The following PLCB1 variants were observed in gnomAD, a reference collection of about 807,000 sequenced individuals.
PLCB1 encodes the protein phospholipase C beta 1.
A neutral mutation model predicts 161.8 loss-of-function variants in PLCB1; 46 were observed. That is an observed-to-expected ratio of 0.28 (90% CI 0.22 to 0.36). The LOEUF (loss-of-function observed/expected upper bound fraction) is 0.36. Among genes scored for constraint, PLCB1 ranks in the 10% least tolerant of loss-of-function variants. PLCB1 has a pLI of 1.00. For missense variants in PLCB1, 1,016 were observed against 1,472.5 expected, an observed-to-expected ratio of 0.69 and a Z score of 5.07; for synonymous variants, 517 against 503.7, an observed-to-expected ratio of 1.03 and a Z score of -0.35.
chr20:8,454,515 C>A (rs116168196), intron 3 of PLCB1, among the ~76,000 whole-genome samples: 2,827 of 152,208 alleles, frequency 0.019, 85 homozygotes, highest in African/African-American at 0.065. Context: ...GGTTGGGATA[C>A]ATTTTGGAGA....
chr20:8,472,279 CCTTTT>C lies in PLCB1; in HGVS notation c.246+100835_246+100839del, dbSNP rs200971967. Among the ~76,000 whole-genome samples the C allele has an allele frequency of 9.6e-3, 1,457 of 151,986 alleles. 25 individuals are homozygous for C. The highest frequency in any genetic ancestry group is 0.033 in the African/African-American group (1,354 of 41,454). On this transcript the variant is annotated intron_variant, in intron 3 of 31. Coordinates refer to ENST00000338037, the MANE Select transcript of PLCB1 (RefSeq NM_015192.4). The stretch of plus-strand genomic sequence containing the variant: ...TGAAGCATTAACTCAAAAGAATGGC[CCTTTT>C]CTTTTATTGTTATGTTCTTTTCATT...
rs1980372070 is a variant in PLCB1, at chr20:8,733,319, G to A, written c.1970G>A (p.Arg657Lys). 1 of 1,613,900 alleles carries A rather than the reference G, an allele frequency of 6.2e-7. No homozygotes were observed. Among genetic ancestry groups the A allele is most frequent in the South Asian group, 1.1e-5 (1 of 91,062 alleles). ...GYRLKPEFMR[R>K]PDKHFDPFTE... ...AGATTGAAGCCAGAGTTCATGAGGAGGCCTGACAAGCATTTTGATCCATTT... is the reference window on the plus strand; with the variant it reads ...AGATTGAAGCCAGAGTTCATGAGGAAGCCTGACAAGCATTTTGATCCATTT... The change falls in exon 19 of 32, where the codon AGG (arginine) becomes AAG (lysine). Residue 657 changes from arginine to lysine, a missense_variant. Arg to Lys is a conservative substitution (Grantham distance 26, BLOSUM62 2). Around this residue, in one of 10 missense-constraint regions of PLCB1, gnomAD observed 67 missense variants for 195.6 expected, o/e 0.34. Coordinates refer to ENST00000338037, the MANE Select transcript of PLCB1 (RefSeq NM_015192.4).
At chr20:8,792,969 G>A (rs747862428) in intron 31 of PLCB1, among the ~76,000 whole-genome samples, 6 of 152,166 alleles carry the variant, frequency 3.9e-5, no homozygotes, top group Non-Finnish European at 5.9e-5. Context: ...CATAGCAGTC[G>A]CTGATGCTCC....
At chr20:8,690,133 G>A (rs947324345) in intron 10 of PLCB1, among the ~76,000 whole-genome samples, 3 of 112,628 alleles carry the variant, frequency 2.7e-5, no homozygotes, top group African/African-American at 8.8e-5. Context: ...CATCTAAGGG[G>A]TTTTGTTTTT....
At chr20:8,274,797 C>A (rs978645841) in intron 2 of PLCB1, among the ~76,000 whole-genome samples, 1 of 152,108 alleles carries the variant, frequency 6.6e-6, no homozygotes. Flanking sequence ...TTTGGAGTCA[C>A]ATTTGTAGCC....
At chr20:8,659,643 T>C (rs987021683) in intron 9 of PLCB1, among the ~76,000 whole-genome samples, 11 of 152,174 alleles carry the variant, frequency 7.2e-5, no homozygotes, top group Admixed American at 7.2e-4. Flanking sequence ...TAAAAGTCTT[T>C]TAATCCATTG....
At chr20:8,514,862 T>C (rs973689962) in intron 3 of PLCB1, among the ~76,000 whole-genome samples, 3 of 152,190 alleles carry the variant, frequency 2.0e-5, no homozygotes, top group African/African-American at 7.2e-5. Flanking sequence ...ACTTTAATAG[T>C]CATACAAATC....
intron 3 of PLCB1, among the ~76,000 whole-genome samples, chr20:8,576,308 G>A (rs1019295677): frequency 3.9e-5 from 6 of 152,042 alleles, no homozygotes; most frequent in African/African-American, 1.4e-4. Context: ...CCATTCCTTG[G>A]AGCCCATTTT....
At chr20:8,625,288 GAAA>G (rs1988302805) in intron 3 of PLCB1, 1 of 152,126 alleles carries the variant, frequency 6.6e-6, no homozygotes, top group African/African-American at 2.4e-5. Context: ...CTGAAAGTCT[GAAA>G]ACAACTGAGG....
intron 2 of PLCB1, among the ~76,000 whole-genome samples, chr20:8,188,780 A>G (rs1436801204): frequency 6.6e-6 from 1 of 152,166 alleles, no homozygotes; most frequent in East Asian, 1.9e-4. Context: ...AATGTGCTAA[A>G]GAGTCAAACG....
intron 9 of PLCB1, among the ~76,000 whole-genome samples, chr20:8,662,240 TTATTTATTATATAATTCTATACATAAG>T (rs1417332555): frequency 1.8e-5 from 2 of 111,422 alleles, no homozygotes; most frequent in Admixed American, 1.0e-4. Flanking sequence ...CTATATATAA[TTATTTATTATATAATTCTATACATAAG>T]TATTTATTAT....
intron 9 of PLCB1, among the ~76,000 whole-genome samples, chr20:8,659,019 C>A (rs1425880280): frequency 1.3e-5 from 2 of 152,038 alleles, no homozygotes; most frequent in African/African-American, 4.8e-5. Context: ...CTTTAGGTTA[C>A]CCTTTTGTCT....
intron 3 of PLCB1, among the ~76,000 whole-genome samples, chr20:8,438,849 TGGC>T (rs953061862): frequency 5.3e-4 from 80 of 152,290 alleles, no homozygotes; most frequent in African/African-American, 1.9e-3. Context: ...TTATTTCACC[TGGC>T]CCCAAGACGA....
chr20:8,696,824 C>T (rs1318870096), intron 10 of PLCB1, among the ~76,000 whole-genome samples: 2 of 152,134 alleles, frequency 1.3e-5, no homozygotes, highest in African/African-American at 2.4e-5. Context: ...AGCTCCGCCT[C>T]CCGGGTTCAC....
At chr20:8,526,441 T>C (rs1457818158) in intron 3 of PLCB1, among the ~76,000 whole-genome samples, 1 of 152,148 alleles carries the variant, frequency 6.6e-6, no homozygotes, top group Non-Finnish European at 1.5e-5. Flanking sequence ...ATTTCTAGTG[T>C]ATTATACTAT....
intron 31 of PLCB1, among the ~76,000 whole-genome samples, chr20:8,836,857 C>G (rs1013985761): frequency 1.3e-5 from 2 of 152,158 alleles, no homozygotes; most frequent in African/African-American, 4.8e-5. Flanking sequence ...GCTGCTATGT[C>G]TGCCCTCGAG....
intron 2 of PLCB1, among the ~76,000 whole-genome samples, chr20:8,196,501 G>C (rs990302595): frequency 6.6e-6 from 1 of 151,806 alleles, no homozygotes; most frequent in African/African-American, 2.4e-5. Flanking sequence ...CTCAACATCT[G>C]ATTATTGTAG....
At chr20:8,393,622 T>A (rs13037141) in intron 3 of PLCB1, among the ~76,000 whole-genome samples, 1 of 152,074 alleles carries the variant, frequency 6.6e-6, no homozygotes, top group Non-Finnish European at 1.5e-5. Flanking sequence ...ACCACTGCAC[T>A]CCGGCCTGGG....
intron 2 of PLCB1, among the ~76,000 whole-genome samples, chr20:8,351,786 A>G (rs1009213350): frequency 6.6e-6 from 1 of 152,100 alleles, no homozygotes; most frequent in Non-Finnish European, 1.5e-5. Context: ...GAAAACCCCA[A>G]TGAAATATAC....
Sources: gnomAD v4.1 joint callset for allele counts (sites outside exome capture counted in the v4.1 genomes callset) on GRCh38, gnomAD v4.1.1 for gene constraint, gnomAD v4.1.1 regional missense constraint, MANE v1.5 for transcripts, NCBI Gene and HGNC (gene_info 2026-07-23, HGNC 2026-07-21) for gene names.